Variants in GNAO1 observed in about 807,000 individuals in gnomAD.
GNAO1 encodes the protein guanine nucleotide-binding protein G(o) subunit alpha.
For missense variants in GNAO1, 166 were observed against 478.7 expected (o/e 0.35, Z 6.10); for synonymous variants, 164 against 180.7 (o/e 0.91, Z 0.74).
intron 3 of GNAO1, 134 bp from the exon 4 acceptor site, chr16:56,328,497 C>T: frequency 2.3e-6 from 2 of 855,612 alleles, no homozygotes; most frequent in South Asian, 1.7e-5. Context: ...CTGGAGCAGG[C>T]TGTGGGCTGA....
At chr16:56,245,935 G>T (rs1292624644) in intron 2 of GNAO1, among the ~76,000 whole-genome samples, 1 of 152,024 alleles carries the variant, frequency 6.6e-6, no homozygotes, top group Non-Finnish European at 1.5e-5. Context: ...GTGTGTAGGG[G>T]GGTAAGGGGC....
At chr16:56,347,877 C>A (rs1282277242) in intron 6 of GNAO1, 2 of 979,246 alleles carry the variant, frequency 2.0e-6, no homozygotes, top group Non-Finnish European at 1.2e-6. Context: ...CTCTACTCCG[C>A]TGGTTCTGAC....
At chr16:56,269,153 C>T (rs1319554667) in intron 2 of GNAO1, among the ~76,000 whole-genome samples, 3 of 152,210 alleles carry the variant, frequency 2.0e-5, no homozygotes, top group Non-Finnish European at 4.4e-5. Flanking sequence ...ATCAGGAAAT[C>T]CACCTTCTCA....
intron 3 of GNAO1, among the ~76,000 whole-genome samples, chr16:56,323,771 T>C (rs2037601330): frequency 6.6e-6 from 1 of 152,140 alleles, no homozygotes; most frequent in South Asian, 2.1e-4. Flanking sequence ...AGGAAACTAA[T>C]GGTCTCCTTC....
chr16:56,243,200 A>G (rs1325079865), intron 2 of GNAO1, among the ~76,000 whole-genome samples: 1 of 152,102 alleles, frequency 6.6e-6, no homozygotes, highest in African/African-American at 2.4e-5. Flanking sequence ...TTCATTATAT[A>G]TAGCAATGTA....
At position 56,351,673 on chromosome 16, in the gene GNAO1, A is replaced by G. The variant is rs557010888; in HGVS notation, c.877+136A>G. The G allele has an allele frequency of 1.3e-5, 9 of 675,274 alleles. No homozygotes were observed. The highest frequency in any genetic ancestry group is 3.6e-5 in the African/African-American group (2 of 55,432). 41.8% of individuals were successfully genotyped at this position (675,274 alleles called of 1,614,324 possible). ...CCATTGCAGGAGACTGGTGGGGCGC[A>G]AAAGAAAAACAGTGCTGTGCCACCA... is the stretch of plus-strand genomic sequence containing the variant. On this transcript the variant is annotated intron_variant, in intron 7 of 8. Coordinates refer to ENST00000262493, the MANE Select transcript of GNAO1 (RefSeq NM_020988.3). The surrounding 1 kb of genome is among the most constrained non-coding windows in gnomAD (Gnocchi z 6.1).
At chr16:56,211,750 G>C (rs1401554938) in intron 2 of GNAO1, among the ~76,000 whole-genome samples, 1 of 152,210 alleles carries the variant, frequency 6.6e-6, no homozygotes, top group African/African-American at 2.4e-5. Flanking sequence ...TATGGTCGCA[G>C]TGCTTCCCAG....
chr16:56,344,506 C>T (rs2037842973), intron 6 of GNAO1: 1 of 989,266 alleles, frequency 1.0e-6, no homozygotes. Context: ...CTGCTCCCTC[C>T]CCTGGGTCTC....
intron 2 of GNAO1, among the ~76,000 whole-genome samples, chr16:56,236,293 G>A (rs1261122791): frequency 2.0e-5 from 3 of 152,154 alleles, no homozygotes; most frequent in Non-Finnish European, 4.4e-5. Context: ...AGAGAGCCTG[G>A]GTTAACTGTA....
chr16:56,355,023 C>G lies in GNAO1; in HGVS notation c.1035C>G (p.Ala345=). The change falls in exon 8 of 9, where the codon GCC becomes GCG. Residue 345 remains alanine, a synonymous_variant. Transcript: ENST00000262493. The part of the protein sequence containing the change: ...VFDAVTDIII[A]NNLRGCGLY ...ACGCCGTCACCGACATCATCATTGC[C>G]AACAACCTCCGGGGCTGCGGCTTGT... is the stretch of plus-strand genomic sequence containing the variant. 1 of 1,613,480 alleles carries G rather than the reference C, an allele frequency of 6.2e-7. No homozygotes were observed. The highest frequency in any genetic ancestry group is 1.6e-4 in the Middle Eastern group (1 of 6,062).
At chr16:56,212,692 A>T (rs1207820518) in intron 2 of GNAO1, among the ~76,000 whole-genome samples, 1 of 152,250 alleles carries the variant, frequency 6.6e-6, no homozygotes, top group Non-Finnish European at 1.5e-5. Flanking sequence ...TTAAGTATGT[A>T]AAAATGAATT....
chr16:56,303,230 G>A (rs1176573239), intron 3 of GNAO1, among the ~76,000 whole-genome samples: 1 of 152,164 alleles, frequency 6.6e-6, no homozygotes, highest in Non-Finnish European at 1.5e-5. Flanking sequence ...CTGGGGTGGG[G>A]TGTGCCAGGG....
intron 2 of GNAO1, among the ~76,000 whole-genome samples, chr16:56,253,063 G>C (rs921758224): frequency 6.6e-6 from 1 of 152,214 alleles, no homozygotes; most frequent in African/African-American, 2.4e-5. Flanking sequence ...TGTCTGACTA[G>C]ATAGCAGCAG....
intron 2 of GNAO1, among the ~76,000 whole-genome samples, chr16:56,269,124 C>T (rs1341651552): frequency 6.6e-6 from 1 of 152,240 alleles, no homozygotes; most frequent in Non-Finnish European, 1.5e-5. Context: ...TATTTCATGA[C>T]ACGTTAAGAC....
intron 2 of GNAO1, among the ~76,000 whole-genome samples, chr16:56,209,023 GT>G (rs1167396626): frequency 1.3e-5 from 2 of 151,412 alleles, no homozygotes; most frequent in African/African-American, 4.9e-5. Context: ...TTTGGTTAGT[GT>G]TTTTTTTGTG....
chr16:56,304,526 T>G (rs2037375432), intron 3 of GNAO1, among the ~76,000 whole-genome samples: 1 of 152,244 alleles, frequency 6.6e-6, no homozygotes, highest in Non-Finnish European at 1.5e-5. Context: ...AGAAGACTGG[T>G]GCCTCACAGC....
At chr16:56,341,055 C>A in intron 6 of GNAO1, 2 of 1,303,666 alleles carry the variant, frequency 1.5e-6, no homozygotes, top group Non-Finnish European at 2.2e-6. Flanking sequence ...CCAGTCCACC[C>A]TTCCTGTGCT....
intron 3 of GNAO1, among the ~76,000 whole-genome samples, chr16:56,296,889 T>C (rs1471862160): frequency 4.6e-5 from 7 of 152,182 alleles, no homozygotes; most frequent in Admixed American, 4.6e-4. Flanking sequence ...CTGGAAGCTG[T>C]AGCCATCCCA....
intron 2 of GNAO1, among the ~76,000 whole-genome samples, chr16:56,248,435 A>G (rs1204767792): frequency 6.6e-6 from 1 of 152,248 alleles, no homozygotes; most frequent in Non-Finnish European, 1.5e-5. Flanking sequence ...TTTGTTCACT[A>G]CACAAGTATA....
Sources: gnomAD v4.1 joint callset for allele counts (sites outside exome capture counted in the v4.1 genomes callset) on GRCh38, gnomAD v4.1.1 for gene constraint, Gnocchi (gnomAD v3.1) non-coding constraint, MANE v1.5 for transcripts, NCBI Gene and HGNC (gene_info 2026-07-23, HGNC 2026-07-21) for gene names.